Variants in CTBP2 observed in about 807,000 individuals in gnomAD.
CTBP2 encodes C-terminal-binding protein 2.
A neutral mutation model predicts 80.3 loss-of-function variants in CTBP2; 30 were observed. The ratio of observed to expected loss-of-function variants is 0.37; its 90% CI spans 0.28 to 0.51. The LOEUF (loss-of-function observed/expected upper bound fraction) is 0.51. Ranked by LOEUF, CTBP2 falls within the 20% of genes least tolerant of loss-of-function variation. The pLI is 0.93. For synonymous variants in CTBP2, 594 were observed against 587.4 expected (o/e 1.01, Z -0.16); for missense variants, 1,212 against 1,375.3 (o/e 0.88, Z 1.88).
chr10:125,028,053 C>G lies in CTBP2; in HGVS notation c.-294G>C. On this transcript the variant is annotated 5_prime_UTR_variant, in exon 1 of 9. Transcript: ENST00000309035. ...GCTGTCCCCAGCCTGCCAGGTCCCC[C>G]TTCCTGGCTGGTGTGCTCACATGGA... 1 of 538,644 alleles carries G rather than the reference C, an allele frequency of 1.9e-6. No homozygotes were observed. Among genetic ancestry groups the G allele is most frequent in the African/African-American group, 1.9e-5 (1 of 51,896 alleles). 33.4% of individuals were successfully genotyped at this position (538,644 alleles called of 1,614,324 possible).
At chr10:125,140,398 G>C (rs1301295447) in intron 1 of CTBP2, among the ~76,000 whole-genome samples, 5 of 151,958 alleles carry the variant, frequency 3.3e-5, no homozygotes, top group Non-Finnish European at 5.9e-5. Context: ...ATGTGATGAG[G>C]GAAGGGGACA....
intron 2 of CTBP2, among the ~76,000 whole-genome samples, chr10:125,044,989 A>G (rs1257384716): frequency 6.6e-6 from 1 of 152,216 alleles, no homozygotes; most frequent in African/African-American, 2.4e-5. Flanking sequence ...TCAGAACGGC[A>G]GCTATGGACC....
chr10:125,082,589 CTTTT>C (rs71486514), intron 2 of CTBP2, among the ~76,000 whole-genome samples: 19 of 131,040 alleles, frequency 1.4e-4, no homozygotes, highest in East Asian at 1.1e-3. Flanking sequence ...CAGCTTTCCT[CTTTT>C]TTTTTTTTTT....
intron 1 of CTBP2, among the ~76,000 whole-genome samples, chr10:125,141,479 T>C (rs946785543): frequency 2.0e-5 from 3 of 152,102 alleles, no homozygotes; most frequent in Non-Finnish European, 2.9e-5. Flanking sequence ...ACCACCCTTC[T>C]TGACCACAAA....
intron 1 of CTBP2, among the ~76,000 whole-genome samples, chr10:125,141,959 C>T (rs930142579): frequency 1.8e-4 from 28 of 152,228 alleles, no homozygotes; most frequent in African/African-American, 4.1e-4. Flanking sequence ...GCGGCTATGG[C>T]GGACGAAGAG....
intron 1 of CTBP2, among the ~76,000 whole-genome samples, chr10:125,024,530 G>T (rs2134643541): frequency 6.6e-6 from 1 of 152,108 alleles, no homozygotes; most frequent in East Asian, 1.9e-4. Context: ...ACAGGAAAAA[G>T]AAAAGAAAAG....
At position 124,993,199 on chromosome 10, in the gene CTBP2, C is replaced by A; in HGVS notation, c.2659+3G>T. 1 of 1,594,226 alleles carries A rather than the reference C, an allele frequency of 6.3e-7. No individual in the cohort carries two copies. The highest frequency in any genetic ancestry group is 8.6e-7 in the Non-Finnish European group (1 of 1,165,076). On this transcript the variant is annotated splice_donor_region_variant and intron_variant, in intron 7 of 8. Coordinates refer to ENST00000309035, the MANE Select transcript of CTBP2 (RefSeq NM_022802.3). The stretch of plus-strand genomic sequence containing the variant: ...GGCAGGCCAGAGGCACGGAGGGGCT[C>A]ACCTGTGATGGCTCGGCGGATCTCG...
intron 1 of CTBP2, among the ~76,000 whole-genome samples, chr10:125,022,408 C>T (rs1957136257): frequency 6.6e-6 from 1 of 152,224 alleles, no homozygotes; most frequent in Admixed American, 6.5e-5. Context: ...CCCCAAACAT[C>T]TGGCCACAGG....
At chr10:125,054,121 C>T (rs943136821) in intron 2 of CTBP2, among the ~76,000 whole-genome samples, 1 of 152,140 alleles carries the variant, frequency 6.6e-6, no homozygotes. Flanking sequence ...CCAAGCTGAA[C>T]ATGACCCTCT....
chr10:125,115,846 A>G (rs1299566849), intron 1 of CTBP2, among the ~76,000 whole-genome samples: 1 of 152,144 alleles, frequency 6.6e-6, no homozygotes, highest in East Asian at 1.9e-4. Flanking sequence ...GATTGCGTAA[A>G]GAACCATCCA....
At chr10:125,114,125 T>G (rs996903566) in intron 1 of CTBP2, among the ~76,000 whole-genome samples, 4 of 151,820 alleles carry the variant, frequency 2.6e-5, no homozygotes, top group Non-Finnish European at 4.4e-5. Flanking sequence ...CTTCCAGGAG[T>G]ATACAACGAG....
At chr10:125,086,612 TTAAAAA>T (rs1288273941) in intron 2 of CTBP2, among the ~76,000 whole-genome samples, 1 of 74,458 alleles carries the variant, frequency 1.3e-5, no homozygotes, top group Non-Finnish European at 2.7e-5. Context: ...AAAATTTTAT[TTAAAAA>T]AAAAAAAAAA....
upstream of CTBP2, among the ~76,000 whole-genome samples, chr10:125,031,366 G>A (rs1382376465): frequency 6.6e-6 from 1 of 151,574 alleles, no homozygotes; most frequent in African/African-American, 2.4e-5. Context: ...GCGGGTGCCT[G>A]TAATCCCAGC....
intron 2 of CTBP2, among the ~76,000 whole-genome samples, chr10:125,078,515 CTTT>C (rs71029237): frequency 0.066 from 9,671 of 146,872 alleles, 316 homozygotes; most frequent in East Asian, 0.099. Flanking sequence ...CTTCCACAGC[CTTT>C]TTTTTTTTTT....
At chr10:125,032,475 C>A (rs1351984454), upstream of CTBP2, among the ~76,000 whole-genome samples, 1 of 152,192 alleles carries the variant, frequency 6.6e-6, no homozygotes, top group Non-Finnish European at 1.5e-5. Context: ...GAGCCCTCCC[C>A]CATGAACCTT....
chr10:125,005,677 C>T (rs1433643847), intron 1 of CTBP2: 1 of 1,612,826 alleles, frequency 6.2e-7, no homozygotes, highest in Non-Finnish European at 8.5e-7. Context: ...CCCACCTGGG[C>T]TCCTGTTTTC....
At chr10:125,151,965 G>GCGGC (rs1189308648) in intron 1 of CTBP2, among the ~76,000 whole-genome samples, 1 of 152,164 alleles carries the variant, frequency 6.6e-6, no homozygotes, top group Non-Finnish European at 1.5e-5. Flanking sequence ...CGACTTCCCC[G>GCGGC]CGGCGGGAAG....
intron 2 of CTBP2, among the ~76,000 whole-genome samples, chr10:125,103,964 C>T (rs968159986): frequency 3.3e-5 from 5 of 152,170 alleles, no homozygotes; most frequent in Admixed American, 2.0e-4. Flanking sequence ...TACACCCTAC[C>T]CACGACAACA....
At chr10:125,049,410 G>A (rs1196307350) in intron 2 of CTBP2, among the ~76,000 whole-genome samples, 4 of 152,218 alleles carry the variant, frequency 2.6e-5, no homozygotes, top group African/African-American at 7.2e-5. Context: ...ACACACGTGC[G>A]GATCCTGGGG....
Sources: allele counts gnomAD v4.1 joint callset (sites outside exome capture counted in the v4.1 genomes callset), GRCh38; gene constraint gnomAD v4.1.1; transcripts MANE v1.5; gene names NCBI Gene and HGNC (gene_info 2026-07-23, HGNC 2026-07-21).